Variants in DPP9 observed in about 807,000 individuals in gnomAD.
DPP9 encodes dipeptidyl peptidase IV-related protein-2.
Under a neutral mutation model 110.7 loss-of-function variants are expected in DPP9, and 50 were observed. The observed-to-expected ratio is 0.45, with a 90% CI of 0.36 to 0.57. The LOEUF (loss-of-function observed/expected upper bound fraction) is 0.57. DPP9 is among the 20% of genes least tolerant of loss of function. DPP9 has a pLI of 0.00. For synonymous variants in DPP9, 561 were observed against 514.4 expected, an observed-to-expected ratio of 1.09 and a Z score of -1.23; for missense variants, 1,022 against 1,217.9, an observed-to-expected ratio of 0.84 and a Z score of 2.39.
At chr19:4,709,305 G>A (rs1410857167) in intron 4 of DPP9, among the ~76,000 whole-genome samples, 2 of 152,058 alleles carry the variant, frequency 1.3e-5, no homozygotes, top group Admixed American at 6.6e-5. Flanking sequence ...ATGAGGAAGC[G>A]CGCTTGTGAA....
chr19:4,683,585 C>A lies in DPP9; in HGVS notation c.2223G>T (p.Val741=). 3 of 1,613,550 alleles carry A rather than the reference C, an allele frequency of 1.9e-6. No individual in the cohort carries two copies. Among genetic ancestry groups the A allele is most frequent in the Non-Finnish European group, 2.5e-6 (3 of 1,179,876 alleles). Residue 741 remains valine, a synonymous_variant, in exon 19 of 22, where the codon GTG becomes GTT. Coordinates refer to ENST00000262960, the MANE Select transcript of DPP9 (RefSeq NM_139159.5). The part of the protein sequence containing the change: ...IEDQVEGLQF[V]AEKYGFIDLS... Reference sequence around the variant, plus strand: ...GGTCGATGAAGCCATACTTCTCGGCCACGAACTGCAGGCCCTCCACCTGGT... The same window carrying A: ...GGTCGATGAAGCCATACTTCTCGGCAACGAACTGCAGGCCCTCCACCTGGT...
intron 4 of DPP9, among the ~76,000 whole-genome samples, chr19:4,712,603 G>T (rs2092886900): frequency 6.6e-6 from 1 of 152,080 alleles, no homozygotes; most frequent in Non-Finnish European, 1.5e-5. Context: ...TCAGCTACGT[G>T]GGCCATATGA....
chr19:4,713,222 A>G (rs1465452402), intron 4 of DPP9, among the ~76,000 whole-genome samples: 1 of 152,200 alleles, frequency 6.6e-6, no homozygotes, highest in Non-Finnish European at 1.5e-5. Context: ...TTTGGTCCCC[A>G]GCCATGTGTC....
At chr19:4,713,206 G>A (rs962130658) in intron 4 of DPP9, among the ~76,000 whole-genome samples, 3 of 152,222 alleles carry the variant, frequency 2.0e-5, no homozygotes, top group Admixed American at 6.5e-5. Flanking sequence ...CGGGAGAGAC[G>A]CTGCCTTTGG....
chr19:4,708,431 G>C (rs528328575), intron 4 of DPP9, among the ~76,000 whole-genome samples: 1 of 152,212 alleles, frequency 6.6e-6, no homozygotes, highest in Non-Finnish European at 1.5e-5. Flanking sequence ...GCACTCCCTT[G>C]TGGGAACTCC....
Position 4,695,231 on chromosome 19 carries a change from G to A in DPP9, c.1353+147C>T. 2 of 853,300 alleles carry A rather than the reference G, an allele frequency of 2.3e-6. No homozygotes were observed. The highest frequency in any genetic ancestry group is 3.5e-6 in the Non-Finnish European group (2 of 571,768). The allele number at this position is 853,300 out of a possible 1,614,324, so 52.9% of individuals were successfully genotyped here. ...CCCCCCTAGACCCTCTTCCCTGCCA[G>A]CCAGGGATGGCCAAGGCCTGAGCTC... On this transcript the variant is annotated intron_variant, in intron 12 of 21. Transcript: ENST00000262960. The surrounding 1 kb of genome is among the most constrained non-coding windows in gnomAD (Gnocchi z 4.7).
chr19:4,689,978 C>T lies in DPP9; in HGVS notation c.1597-256G>A, dbSNP rs1290229464. Among the ~76,000 whole-genome samples the T allele has an allele frequency of 6.6e-6, 1 of 152,222 alleles. No individual in the cohort carries two copies. The highest frequency in any genetic ancestry group is 1.5e-5 in the Non-Finnish European group (1 of 68,032). ...GGGACCTGGGGCCTGCATTCCACCC[C>T]CAGACAGCTCTTTCCTAGCTTGAAT... On this transcript the variant is annotated intron_variant, in intron 14 of 21. Transcript: ENST00000262960. This position sits in a 1 kb window ranked among gnomAD's most constrained non-coding sequence, Gnocchi z 7.0.
rs767001811 is a variant in DPP9, at chr19:4,685,765, G to C, written c.1892C>G (p.Pro631Arg). The part of the protein sequence containing the change: ...WASMMEAASC[P>R]PDYVPPEIFH... Reference sequence around the variant, plus strand: ...GATCTCTGGAGGAACATAATCCGGGGGGCAGCCTGCGGGAGACAGGGCGGC... The same window carrying C: ...GATCTCTGGAGGAACATAATCCGGGCGGCAGCCTGCGGGAGACAGGGCGGC... The change falls in exon 17 of 22, where the codon CCC (proline) becomes CGC (arginine). Residue 631 changes from proline to arginine, a missense_variant. By Grantham distance (103) the Pro-to-Arg change is moderately radical. Transcript: ENST00000262960. The surrounding 1 kb of genome is among the most constrained non-coding windows in gnomAD (Gnocchi z 5.8). 6.2e-7 allele frequency: 1 copy of C among 1,612,846 alleles called. No homozygotes were observed. Among genetic ancestry groups the C allele is most frequent in the Non-Finnish European group, 8.5e-7 (1 of 1,179,808 alleles).
At chr19:4,699,629 T>C (rs2092092338) in intron 10 of DPP9, among the ~76,000 whole-genome samples, 1 of 152,022 alleles carries the variant, frequency 6.6e-6, no homozygotes, top group Admixed American at 6.5e-5. Context: ...TGCTGCCTGA[T>C]GGCGCCTCCA....
At position 4,710,381 on chromosome 19, in the gene DPP9, G is replaced by C. The variant is rs1467400557; in HGVS notation, c.313+3700C>G. The stretch of plus-strand genomic sequence containing the variant: ...CCTCCAGCCACAGAAGTCACCGTTT[G>C]CAGTGGGGAGAGGCTGATCCGCGTG... On this transcript the variant is annotated intron_variant, in intron 4 of 21. Transcript: ENST00000262960. This position sits in a 1 kb window ranked among gnomAD's most constrained non-coding sequence, Gnocchi z 5.6. 6.6e-6 allele frequency among the ~76,000 whole-genome samples: 1 copy of C among 152,242 alleles called. No individual in the cohort carries two copies. Among genetic ancestry groups the C allele is most frequent in the Non-Finnish European group, 1.5e-5 (1 of 68,036 alleles).
intron 15 of DPP9, 62 bp from the exon 16 acceptor site, chr19:4,688,954 C>T (rs376218543): frequency 5.4e-6 from 8 of 1,479,484 alleles, no homozygotes; most frequent in African/African-American, 1.5e-5. Context: ...CACTGGGTGC[C>T]GACCGCAGAT....
rs1041499509 is a variant in DPP9 at position 4,685,911 on chromosome 19, G to GA, written c.1886-141dup. 3.3e-5 allele frequency: 32 copies of GA among 961,812 alleles called. No individual in the cohort carries two copies. The highest frequency in any genetic ancestry group is 5.0e-5 in the African/African-American group (3 of 60,246). The allele number at this position is 961,812 out of a possible 1,614,324, so 59.6% of individuals were successfully genotyped here. ...CTGGGCTTCCCGAGAGTTGATAATT[G>GA]AAAAAAACGTTTTTTTTTCATTAAA... On this transcript the variant is annotated intron_variant, in intron 16 of 21. Transcript: ENST00000262960. The surrounding 1 kb of genome is among the most constrained non-coding windows in gnomAD (Gnocchi z 5.8).
rs527567231 is a variant in DPP9 at position 4,684,076 on chromosome 19, C to T, written c.2179-447G>A. 11 of 354,890 alleles carry T rather than the reference C, an allele frequency of 3.1e-5. No homozygotes were observed. Among genetic ancestry groups the T allele is most frequent in the East Asian group, 1.5e-4 (2 of 13,650 alleles). 22.0% of individuals were successfully genotyped at this position (354,890 alleles called of 1,614,324 possible). ...CAATGCTGGTGTCCCCTCTGAAGTC[C>T]GTGCTGAGATCACTACTGCGGCCTT... On this transcript the variant is annotated intron_variant, in intron 18 of 21. Coordinates refer to ENST00000262960, the MANE Select transcript of DPP9 (RefSeq NM_139159.5). This position sits in a 1 kb window ranked among gnomAD's most constrained non-coding sequence, Gnocchi z 4.8.
At chr19:4,711,867 C>G (rs1274022895) in intron 4 of DPP9, among the ~76,000 whole-genome samples, 1 of 151,122 alleles carries the variant, frequency 6.6e-6, no homozygotes, top group East Asian at 1.9e-4. Flanking sequence ...GACCATCAGG[C>G]CAGAAGTTCC....
Position 4,712,769 on chromosome 19 carries a change from C to A in DPP9, c.313+1312G>T, listed in dbSNP as rs1182337658. ...CTTTTAAATTCTTTGTTTGCCAGAC[C>A]ACCATCTGATTCCCACACAAGTCTG... On this transcript the variant is annotated intron_variant, in intron 4 of 21. Coordinates refer to ENST00000262960, the MANE Select transcript of DPP9 (RefSeq NM_139159.5). Among the ~76,000 whole-genome samples the A allele has an allele frequency of 2.6e-5, 4 of 152,316 alleles. No individual in the cohort carries two copies. The South Asian group carries it at 8.3e-4, about 32-fold the overall frequency.
At chr19:4,699,744 A>G (rs2092100172) in intron 10 of DPP9, among the ~76,000 whole-genome samples, 1 of 152,094 alleles carries the variant, frequency 6.6e-6, no homozygotes, top group Non-Finnish European at 1.5e-5. Context: ...TCCCCACAGT[A>G]GCTGACGGGT....
chr19:4,701,731 G>A (rs1228140399), intron 9 of DPP9, among the ~76,000 whole-genome samples: 1 of 152,252 alleles, frequency 6.6e-6, no homozygotes, highest in Non-Finnish European at 1.5e-5. Flanking sequence ...TCCAGCAGCA[G>A]GGTGGGGCAG....
rs921254758 is a variant in DPP9, at chr19:4,710,246, C to T, written c.313+3835G>A. Reference sequence around the variant, plus strand: ...GGCTGGCCTGGTGGGGGATCGTGATCCACACAGGGCTAGGGCTCTCCCCTG... The same window carrying T: ...GGCTGGCCTGGTGGGGGATCGTGATTCACACAGGGCTAGGGCTCTCCCCTG... On this transcript the variant is annotated intron_variant, in intron 4 of 21. Transcript: ENST00000262960. The surrounding 1 kb of genome is among the most constrained non-coding windows in gnomAD (Gnocchi z 5.6). 1.3e-5 allele frequency among the ~76,000 whole-genome samples: 2 copies of T among 152,190 alleles called. No individual in the cohort carries two copies. The highest frequency in any genetic ancestry group is 1.3e-4 in the Admixed American group (2 of 15,282).
In DPP9 at chr19:4,704,742, C is replaced by T. The variant is rs1031973239; in HGVS notation, c.427-438G>A. Among the ~76,000 whole-genome samples, 5 of 152,154 alleles carry T rather than the reference C, an allele frequency of 3.3e-5. No individual in the cohort carries two copies. Among genetic ancestry groups the T allele is most frequent in the Admixed American group, 3.3e-4 (5 of 15,278 alleles). On this transcript the variant is annotated intron_variant, in intron 5 of 21. Coordinates refer to ENST00000262960, the MANE Select transcript of DPP9 (RefSeq NM_139159.5). The surrounding 1 kb of genome is among the most constrained non-coding windows in gnomAD (Gnocchi z 6.0). ...CCTTCCCATCAAGAGCTTTCAATTT[C>T]GTAATCCCAGCACTTTGGGAGGCCG...
Sources: gnomAD v4.1 joint callset for allele counts (sites outside exome capture counted in the v4.1 genomes callset) on GRCh38, gnomAD v4.1.1 for gene constraint, Gnocchi (gnomAD v3.1) non-coding constraint, MANE v1.5 for transcripts, NCBI Gene and HGNC (gene_info 2026-07-23, HGNC 2026-07-21) for gene names.